Variants in LNP1 observed in about 807,000 individuals in gnomAD.
LNP1 encodes leukemia NUP98 fusion partner 1.
A neutral mutation model predicts 14.5 loss-of-function variants in LNP1; 12 were observed. That is an observed-to-expected ratio of 0.83 (90% CI 0.53 to 1.34). LNP1 has a LOEUF of 1.34. Among genes scored for constraint, LNP1 ranks in the 40% most tolerant of loss-of-function variants. LNP1 has a pLI of 0.00. For missense variants in LNP1, 198 were observed against 210.9 expected (o/e 0.94, Z 0.38); for synonymous variants, 75 against 71.4 (o/e 1.05, Z -0.26).
chr3:100,442,959 G>C (rs769700165), intron 2 of LNP1, among the ~76,000 whole-genome samples: 25 of 152,066 alleles, frequency 1.6e-4, no homozygotes, highest in Non-Finnish European at 2.6e-4. Context: ...GGAGGAGGAA[G>C]GAAGAAAAAC....
intron 1 of LNP1, among the ~76,000 whole-genome samples, chr3:100,426,471 T>C (rs1034908854): frequency 5.3e-5 from 8 of 152,196 alleles, no homozygotes; most frequent in African/African-American, 1.9e-4. Flanking sequence ...CCAAGTCCAA[T>C]TGACAAGAAA....
intron 1 of LNP1, among the ~76,000 whole-genome samples, chr3:100,409,903 T>C (rs972012767): frequency 6.6e-6 from 1 of 151,826 alleles, no homozygotes; most frequent in Non-Finnish European, 1.5e-5. Flanking sequence ...CCTAAATATA[T>C]ATTTGTATAT....
chr3:100,428,454 C>T (rs1296640845), intron 1 of LNP1, among the ~76,000 whole-genome samples: 1 of 151,468 alleles, frequency 6.6e-6, no homozygotes, highest in Non-Finnish European at 1.5e-5. Flanking sequence ...ATCATTTGAA[C>T]CTGGGAAGTG....
chr3:100,454,001 C>A (rs761966899), intron 3 of LNP1, among the ~76,000 whole-genome samples: 6 of 152,100 alleles, frequency 3.9e-5, no homozygotes, highest in Non-Finnish European at 8.8e-5. Flanking sequence ...CTTTCCTTGT[C>A]TTTCACGACA....
intron 1 of LNP1, among the ~76,000 whole-genome samples, chr3:100,411,075 G>T (rs769765808): frequency 6.6e-6 from 1 of 152,174 alleles, no homozygotes; most frequent in Non-Finnish European, 1.5e-5. Context: ...ACTACCACCC[G>T]AGAGGGCCTG....
chr3:100,426,547 G>A (rs945959856), intron 1 of LNP1, among the ~76,000 whole-genome samples: 2 of 152,194 alleles, frequency 1.3e-5, no homozygotes, highest in South Asian at 2.1e-4. Flanking sequence ...AAATATGCAC[G>A]TTAGGCTGGA....
chr3:100,435,326 A>G (rs114774646), intron 2 of LNP1, among the ~76,000 whole-genome samples: 6 of 152,214 alleles, frequency 3.9e-5, no homozygotes, highest in Admixed American at 2.6e-4. Flanking sequence ...CGTGTTCTTC[A>G]TTTACTAGCA....
intron 1 of LNP1, among the ~76,000 whole-genome samples, chr3:100,424,611 A>T (rs776308007): frequency 6.6e-6 from 1 of 152,186 alleles, no homozygotes; most frequent in Admixed American, 6.5e-5. Context: ...TTGCAGAAGA[A>T]AGTCAGTTGT....
intron 1 of LNP1, among the ~76,000 whole-genome samples, chr3:100,410,863 A>G (rs1399841298): frequency 6.6e-6 from 1 of 152,228 alleles, no homozygotes. Flanking sequence ...CAGGGCTGCC[A>G]GTCCCACTAC....
At chr3:100,443,743 A>C (rs1334772356) in intron 2 of LNP1, among the ~76,000 whole-genome samples, 1 of 152,198 alleles carries the variant, frequency 6.6e-6, no homozygotes, top group Non-Finnish European at 1.5e-5. Flanking sequence ...GCCTTGGTAA[A>C]ATAAGAAGTT....
chr3:100,416,598 TTTG>T (rs1707086168), intron 1 of LNP1, among the ~76,000 whole-genome samples: 1 of 72,100 alleles, frequency 1.4e-5, no homozygotes, highest in Non-Finnish European at 2.7e-5. Context: ...GTATATCTTT[TTTG>T]TGTGTGTGTG....
rs115803978 is a variant in LNP1, at chr3:100,416,158, G to A, written c.-33-13539G>A. Among the ~76,000 whole-genome samples, 734 of 152,270 alleles carry A rather than the reference G, an allele frequency of 4.8e-3. 9 individuals carry two copies. Among genetic ancestry groups the A allele is most frequent in the African/African-American group, 0.016 (670 of 41,538 alleles). On this transcript the variant is annotated intron_variant, in intron 1 of 3. Coordinates refer to ENST00000383693, the MANE Select transcript of LNP1 (RefSeq NM_001085451.2). ...GCTTAATGCTCACTAATTCCATGGTGATCACAAAATGGCAATATTCTAATT... is the reference window on the plus strand; with the variant it reads ...GCTTAATGCTCACTAATTCCATGGTAATCACAAAATGGCAATATTCTAATT...
At chr3:100,405,102 A>G (rs1361214117) in intron 1 of LNP1, among the ~76,000 whole-genome samples, 2 of 151,942 alleles carry the variant, frequency 1.3e-5, no homozygotes, top group Non-Finnish European at 2.9e-5. Flanking sequence ...TGTGTTATCC[A>G]TTTTTTCTAA....
intron 1 of LNP1, among the ~76,000 whole-genome samples, chr3:100,404,270 T>C (rs1706942481): frequency 1.3e-5 from 2 of 152,232 alleles, no homozygotes. Context: ...TGAAATGTTC[T>C]TTTCCTTGGC....
chr3:100,417,439 C>T (rs943059140), intron 1 of LNP1, among the ~76,000 whole-genome samples: 6 of 122,532 alleles, frequency 4.9e-5, no homozygotes, highest in Non-Finnish European at 7.9e-5. Flanking sequence ...TGCACTGGTG[C>T]GATCTCAGCT....
At chr3:100,432,302 T>C (rs1707250730) in intron 2 of LNP1, among the ~76,000 whole-genome samples, 1 of 151,924 alleles carries the variant, frequency 6.6e-6, no homozygotes, top group Non-Finnish European at 1.5e-5. Flanking sequence ...TCCCCACTTC[T>C]CCTTGAATGT....
chr3:100,414,135 A>G (rs1359025478), intron 1 of LNP1, among the ~76,000 whole-genome samples: 2 of 152,216 alleles, frequency 1.3e-5, no homozygotes, highest in African/African-American at 4.8e-5. Flanking sequence ...ATTACATATC[A>G]TAATTTTGTT....
At chr3:100,428,314 A>C (rs1707213297) in intron 1 of LNP1, among the ~76,000 whole-genome samples, 1 of 152,128 alleles carries the variant, frequency 6.6e-6, no homozygotes, top group Non-Finnish European at 1.5e-5. Flanking sequence ...CAGGCAGATC[A>C]CGAGGTCAAG....
chr3:100,421,057 G>A (rs1707139937), intron 1 of LNP1, among the ~76,000 whole-genome samples: 1 of 151,552 alleles, frequency 6.6e-6, no homozygotes, highest in South Asian at 2.1e-4. Context: ...CGGCTCACTG[G>A]AGCCTCAATC....
Sources: gnomAD v4.1 joint callset for allele counts (sites outside exome capture counted in the v4.1 genomes callset) on GRCh38, gnomAD v4.1.1 for gene constraint, MANE v1.5 for transcripts, NCBI Gene and HGNC (gene_info 2026-07-23, HGNC 2026-07-21) for gene names.